The following RAB3B variants were observed in gnomAD, a reference collection of about 807,000 sequenced individuals.
RAB3B encodes the protein RAB3B, member RAS oncogene family, also known as ras-related protein Rab-3B.
Under a neutral mutation model 20.5 loss-of-function variants are expected in RAB3B, and 11 were observed. That is an observed-to-expected ratio of 0.54 (90% CI 0.34 to 0.89). The LOEUF is 0.89. Ranked by LOEUF, RAB3B falls within the 40% of genes least tolerant of loss-of-function variation. RAB3B has a pLI of 0.02. For synonymous variants in RAB3B, 99 were observed against 106.3 expected, an observed-to-expected ratio of 0.93 and a Z score of 0.42; for missense variants, 225 against 280.9, an observed-to-expected ratio of 0.80 and a Z score of 1.42.
chr1:51,969,754 CT>C, intron 2 of RAB3B, among the ~76,000 whole-genome samples: 1 of 152,308 alleles, frequency 6.6e-6, no homozygotes, highest in South Asian at 2.1e-4. Context: ...TGAGTGTTTA[CT>C]CTGTGCCATG....
chr1:51,975,242 A>G (rs1322539207), intron 2 of RAB3B, among the ~76,000 whole-genome samples: 1 of 152,198 alleles, frequency 6.6e-6, no homozygotes, highest in Non-Finnish European at 1.5e-5. Flanking sequence ...TAATAATAAT[A>G]CATGTTTTAA....
In RAB3B at chr1:51,918,481, G is replaced by C. The variant is rs775202301; in HGVS notation, c.*1446C>G. The C allele has an allele frequency of 6.6e-6, 1 of 152,196 alleles. No homozygotes were observed. The highest frequency in any genetic ancestry group is 1.5e-5 in the Non-Finnish European group (1 of 68,044). The allele number at this position is 152,196 out of a possible 1,614,324, so 9.4% of individuals were successfully genotyped here. A position where few individuals can be genotyped will look rare whatever the true frequency, so the allele number is the denominator to read the frequency against. On this transcript the variant is annotated 3_prime_UTR_variant, in exon 5 of 5. Coordinates refer to ENST00000371655, the MANE Select transcript of RAB3B (RefSeq NM_002867.4). ...GTCTGAAGACGTCACAGGGCAGAGG[G>C]AGCACAGACTGTGAAGTCTCTGACA...
At chr1:51,983,978 GT>G (rs1197534089) in intron 1 of RAB3B, among the ~76,000 whole-genome samples, 2 of 151,566 alleles carry the variant, frequency 1.3e-5, no homozygotes, top group African/African-American at 2.4e-5. Context: ...AGAAAAGAAA[GT>G]AAGGGCTGGG....
rs1024615422 is a variant in RAB3B at position 51,915,543 on chromosome 1, T to C, written c.*4384A>G. 3 of 152,230 alleles carry C rather than the reference T, an allele frequency of 2.0e-5. No individual in the cohort carries two copies. The highest frequency in any genetic ancestry group is 4.4e-5 in the Non-Finnish European group (3 of 68,056). The allele number at this position is 152,230 out of a possible 1,614,324, so 9.4% of individuals were successfully genotyped here. ...TGCTGCTCCTAGAAGTTAATAATGC[T>C]ATAGACTGAGGAGACAATGAGTCAC... On this transcript the variant is annotated 3_prime_UTR_variant, in exon 5 of 5. Transcript: ENST00000371655.
chr1:51,936,383 T>C, intron 3 of RAB3B, among the ~76,000 whole-genome samples: 1 of 152,314 alleles, frequency 6.6e-6, no homozygotes, highest in Non-Finnish European at 1.5e-5. Flanking sequence ...TTGGACTGTA[T>C]GTGCTCCTGG....
chr1:51,978,984 G>T (rs1020563441), intron 1 of RAB3B, among the ~76,000 whole-genome samples: 2 of 152,170 alleles, frequency 1.3e-5, no homozygotes, highest in Non-Finnish European at 2.9e-5. Context: ...GACTCCTGTG[G>T]TCTCTGTTCT....
In RAB3B at chr1:51,914,555, T is replaced by A. The variant is rs913640584; in HGVS notation, c.*5372A>T. 1 of 152,242 alleles carries A rather than the reference T, an allele frequency of 6.6e-6. No homozygotes were observed. The highest frequency in any genetic ancestry group is 1.9e-4 in the East Asian group (1 of 5,202). 9.4% of individuals were successfully genotyped at this position (152,242 alleles called of 1,614,324 possible). On this transcript the variant is annotated 3_prime_UTR_variant, in exon 5 of 5. Transcript: ENST00000371655. ...TATCCTGGCACATAATATATATTCA[T>A]TTGTTGAGAAAATAAATGAATAAAT...
chr1:51,983,536 C>T (rs992337390), intron 1 of RAB3B, among the ~76,000 whole-genome samples: 4 of 152,082 alleles, frequency 2.6e-5, no homozygotes, highest in African/African-American at 4.8e-5. Flanking sequence ...TGTAAGTATA[C>T]TCTATGATGT....
At position 51,913,908 on chromosome 1, in the gene RAB3B, C is replaced by T. The variant is rs1165230434; in HGVS notation, c.*6019G>A. 1 of 152,208 alleles carries T rather than the reference C, an allele frequency of 6.6e-6. No individual in the cohort carries two copies. Among genetic ancestry groups the T allele is most frequent in the Admixed American group, 6.5e-5 (1 of 15,272 alleles). 9.4% of individuals were successfully genotyped at this position (152,208 alleles called of 1,614,324 possible). A position where few individuals can be genotyped will look rare whatever the true frequency, so the allele number is the denominator to read the frequency against. On this transcript the variant is annotated 3_prime_UTR_variant, in exon 5 of 5. Coordinates refer to ENST00000371655, the MANE Select transcript of RAB3B (RefSeq NM_002867.4). Reference sequence around the variant, plus strand: ...TGCCCTCTCTTGCTTCGAGGAAACTCCTGCTACCATATGGACAAATCTGGG... The same window carrying T: ...TGCCCTCTCTTGCTTCGAGGAAACTTCTGCTACCATATGGACAAATCTGGG...
Position 51,976,102 on chromosome 1 carries a change from T to G in RAB3B, c.228+788A>C, listed in dbSNP as rs116307256. ...GCCCCAACCACTCCCAAATGTTTGA[T>G]CCACAGAAACTATGAGATAATGAAT... is the stretch of plus-strand genomic sequence containing the variant. On this transcript the variant is annotated intron_variant, in intron 2 of 4. Transcript: ENST00000371655. 6.9e-3 allele frequency among the ~76,000 whole-genome samples: 1,051 copies of G among 152,256 alleles called. 7 individuals are homozygous for G. The highest frequency in any genetic ancestry group is 0.024 in the African/African-American group (998 of 41,552).
chr1:51,950,492 A>G (rs1684623647), intron 2 of RAB3B, among the ~76,000 whole-genome samples: 4 of 152,226 alleles, frequency 2.6e-5, no homozygotes, highest in Admixed American at 2.6e-4. Flanking sequence ...TCAAGGGCTG[A>G]CTGTGCTGAA....
chr1:51,939,931 T>C (rs1392211338), intron 2 of RAB3B, among the ~76,000 whole-genome samples: 1 of 152,156 alleles, frequency 6.6e-6, no homozygotes, highest in Non-Finnish European at 1.5e-5. Context: ...ACTCCATCAA[T>C]GAAAGATTGA....
At chr1:51,967,052 C>T (rs1684861512) in intron 2 of RAB3B, among the ~76,000 whole-genome samples, 1 of 152,216 alleles carries the variant, frequency 6.6e-6, no homozygotes, top group Non-Finnish European at 1.5e-5. Flanking sequence ...GTGGCTCACG[C>T]CCGTAATCCC....
At chr1:51,980,888 T>TA in intron 1 of RAB3B, 60 of 579,032 alleles carry the variant, frequency 1.0e-4, no homozygotes, top group Middle Eastern at 9.7e-4. Flanking sequence ...AATTGTACTT[T>TA]AAAAAAAAGC....
chr1:51,980,809 A>C, intron 1 of RAB3B: 1 of 744,702 alleles, frequency 1.3e-6, no homozygotes, highest in South Asian at 1.4e-5. Context: ...ACCCCCACCA[A>C]AGCCCATGTA....
At chr1:51,926,862 G>C (rs184439982) in intron 4 of RAB3B, among the ~76,000 whole-genome samples, 89 of 152,314 alleles carry the variant, frequency 5.8e-4, no homozygotes, top group African/African-American at 2.0e-3. Flanking sequence ...CTCATTGTGT[G>C]CAAGAAAATG....
At chr1:51,924,492 A>G (rs1684217097) in intron 4 of RAB3B, among the ~76,000 whole-genome samples, 1 of 152,206 alleles carries the variant, frequency 6.6e-6, no homozygotes, top group South Asian at 2.1e-4. Flanking sequence ...GGGAGACAGC[A>G]TGAATAGAGC....
chr1:51,935,321 C>A (rs1243975917), intron 3 of RAB3B, among the ~76,000 whole-genome samples: 1 of 152,166 alleles, frequency 6.6e-6, no homozygotes, highest in Non-Finnish European at 1.5e-5. Context: ...CACTCAACCA[C>A]CACTTCTTGT....
Position 51,937,375 on chromosome 1 carries a change from G to A in RAB3B, c.266C>T (p.Thr89Ile), listed in dbSNP as rs745334860. Residue 89 changes from threonine to isoleucine, a missense_variant, in exon 3 of 5, where the codon ACA becomes ATA. Transcript: ENST00000371655. The part of the protein sequence containing the change: ...AGQERYRTIT[T>I]AYYRGAMGFI... ...GCCCATGGCCCCACGGTAATAGGCT[G>A]TTGTGATGGTCCGGTACCGCTCCTG... is the stretch of plus-strand genomic sequence containing the variant. The A allele has an allele frequency of 3.7e-6, 6 of 1,612,712 alleles. No homozygotes were observed. Among genetic ancestry groups the A allele is most frequent in the Middle Eastern group, 1.7e-4 (1 of 6,058 alleles).
Sources: allele counts gnomAD v4.1 joint callset (sites outside exome capture counted in the v4.1 genomes callset), GRCh38; gene constraint gnomAD v4.1.1; transcripts MANE v1.5; gene names NCBI Gene and HGNC (gene_info 2026-07-23, HGNC 2026-07-21).